Variants in BACH2 observed in about 807,000 individuals in gnomAD.
The protein encoded by BACH2 is transcription regulator protein BACH2.
Under a neutral mutation model 61.8 loss-of-function variants are expected in BACH2, and 5 were observed. The ratio of observed to expected loss-of-function variants is 0.08; its 90% confidence interval spans 0.04 to 0.17. The LOEUF (loss-of-function observed/expected upper bound fraction) is 0.17. Among genes scored for constraint, BACH2 ranks in the 10% least tolerant of loss-of-function variants. The pLI is 1.00. For missense variants in BACH2, 824 were observed against 1,091.1 expected (o/e 0.76, Z 3.45); for synonymous variants, 446 against 440.1 (o/e 1.01, Z -0.17).
At chr6:90,193,318 T>C (rs1033200206) in intron 4 of BACH2, among the ~76,000 whole-genome samples, 1 of 151,884 alleles carries the variant, frequency 6.6e-6, no homozygotes, top group Non-Finnish European at 1.5e-5. Context: ...GTGCCCCTAA[T>C]CCAATATGAC....
intron 1 of BACH2, among the ~76,000 whole-genome samples, chr6:90,291,768 T>C (rs1469544445): frequency 1.3e-5 from 2 of 152,196 alleles, no homozygotes; most frequent in African/African-American, 2.4e-5. Context: ...CATATATTGC[T>C]ATTAACAATA....
intron 5 of BACH2, among the ~76,000 whole-genome samples, chr6:90,085,546 C>T (rs1033958539): frequency 3.9e-5 from 6 of 152,186 alleles, no homozygotes; most frequent in Non-Finnish European, 7.3e-5. Context: ...TTAGTAGAGA[C>T]CACAGTTGTT....
intron 7 of BACH2, among the ~76,000 whole-genome samples, chr6:89,945,921 T>C (rs1054211708): frequency 3.4e-5 from 5 of 149,224 alleles, no homozygotes; most frequent in East Asian, 2.0e-4. Context: ...TTTTCACTTA[T>C]GTGACTTGTT....
At chr6:90,239,631 T>C (rs1770371676) in intron 3 of BACH2, among the ~76,000 whole-genome samples, 2 of 152,176 alleles carry the variant, frequency 1.3e-5, no homozygotes, top group East Asian at 1.9e-4. Context: ...TATATAGCCA[T>C]ACATGACTAA....
rs76182853 is a variant in BACH2 at position 90,072,506 on chromosome 6, T to G, written c.-13+16455A>C. ...TCACAAACTCTTATCAAGGCAGTTT[T>G]CTCAGGTTGGTTAGCAGACAGGCTC... On this transcript the variant is annotated intron_variant, in intron 5 of 8. Coordinates refer to ENST00000257749, the MANE Select transcript of BACH2 (RefSeq NM_021813.4). Among the ~76,000 whole-genome samples the G allele has an allele frequency of 9.7e-3, 1,481 of 152,334 alleles. 56 individuals carry two copies. In the East Asian group the frequency reaches 0.14, roughly 14 times the overall value.
At chr6:90,275,560 C>A (rs187256713) in intron 1 of BACH2, among the ~76,000 whole-genome samples, 1 of 151,972 alleles carries the variant, frequency 6.6e-6, no homozygotes, top group Admixed American at 6.5e-5. Flanking sequence ...GGGTAACTTG[C>A]GTCATGGGGG....
At chr6:90,262,579 C>G (rs555245357) in intron 2 of BACH2, among the ~76,000 whole-genome samples, 1 of 152,284 alleles carries the variant, frequency 6.6e-6, no homozygotes, top group African/African-American at 2.4e-5. Context: ...CAGACCCAAT[C>G]TCCGAAGTTT....
In BACH2 at chr6:90,030,657, C is replaced by G. The variant is rs369941768; in HGVS notation, c.-12-21801G>C. 5.6e-3 allele frequency among the ~76,000 whole-genome samples: 856 copies of G among 152,074 alleles called. 45 individuals carry two copies. In the East Asian group the frequency reaches 0.13, roughly 23 times the overall value. Reference sequence around the variant, plus strand: ...CACCCTCCCAAGACTAAACCAGGAACAAGTTGAATCTCTGAATAGACCAAT... The same window carrying G: ...CACCCTCCCAAGACTAAACCAGGAAGAAGTTGAATCTCTGAATAGACCAAT... On this transcript the variant is annotated intron_variant, in intron 5 of 8. Transcript: ENST00000257749.
intron 4 of BACH2, among the ~76,000 whole-genome samples, chr6:90,123,492 C>A (rs903617796): frequency 1.3e-5 from 2 of 149,734 alleles, no homozygotes; most frequent in Non-Finnish European, 3.0e-5. Flanking sequence ...CGGTGGGGGC[C>A]GGGCGCGGTG....
At chr6:90,274,897 G>C (rs951404637) in intron 1 of BACH2, among the ~76,000 whole-genome samples, 19 of 152,328 alleles carry the variant, frequency 1.2e-4, no homozygotes, top group African/African-American at 4.3e-4. Context: ...TCCTCTGGTA[G>C]AGGGTGAGGA....
intron 4 of BACH2, among the ~76,000 whole-genome samples, chr6:90,115,035 T>C (rs1272301537): frequency 6.6e-6 from 1 of 152,056 alleles, no homozygotes; most frequent in Admixed American, 6.6e-5. Flanking sequence ...CACAAACAAA[T>C]GGAAAAACAT....
chr6:90,240,719 GCTTT>G (rs1308335680), intron 3 of BACH2, among the ~76,000 whole-genome samples: 1 of 152,082 alleles, frequency 6.6e-6, no homozygotes, highest in Non-Finnish European at 1.5e-5. Flanking sequence ...CTGCTTTGTG[GCTTT>G]CTTAGAGTGA....
chr6:90,107,131 T>C (rs1331162178), intron 4 of BACH2, among the ~76,000 whole-genome samples: 1 of 152,170 alleles, frequency 6.6e-6, no homozygotes, highest in Admixed American at 6.5e-5. Flanking sequence ...CCCAGCACTT[T>C]GGGAGGCCGA....
intron 5 of BACH2, among the ~76,000 whole-genome samples, chr6:90,014,532 G>A (rs1432023647): frequency 1.5e-5 from 2 of 133,902 alleles, no homozygotes; most frequent in African/African-American, 2.9e-5. Flanking sequence ...GGAGTGCAGT[G>A]GTGCAATCTT....
At chr6:90,142,186 G>C (rs756015590) in intron 4 of BACH2, among the ~76,000 whole-genome samples, 1 of 152,184 alleles carries the variant, frequency 6.6e-6, no homozygotes, top group Non-Finnish European at 1.5e-5. Context: ...GTCTGAGATA[G>C]AATCTTTGAC....
chr6:89,986,309 G>A (rs1173673376), intron 6 of BACH2, among the ~76,000 whole-genome samples: 1 of 151,444 alleles, frequency 6.6e-6, no homozygotes, highest in African/African-American at 2.4e-5. Context: ...CGCTGGCCCT[G>A]GATCGCTGGC....
At position 89,926,818 on chromosome 6, in the gene BACH2, A is replaced by C. The variant is rs575490392; in HGVS notation, c.*5590T>G. The C allele has an allele frequency of 9.8e-5, 15 of 152,916 alleles. No homozygotes were observed. The highest frequency in any genetic ancestry group is 3.4e-4 in the African/African-American group (14 of 41,596). The allele number at this position is 152,916 out of a possible 1,614,324, so 9.5% of individuals were successfully genotyped here. The stretch of plus-strand genomic sequence containing the variant: ...GAAAAAAATAAGGACAAGCCTAAGA[A>C]CTAGTACAATAAAATGATGCATTGA... On this transcript the variant is annotated 3_prime_UTR_variant, in exon 9 of 9. Transcript: ENST00000257749.
rs915846196 is a variant in BACH2, at chr6:90,023,524, G to A, written c.-12-14668C>T. Among the ~76,000 whole-genome samples, 4 of 152,268 alleles carry A rather than the reference G, an allele frequency of 2.6e-5. 1 individual carries two copies. Reference sequence around the variant, plus strand: ...CACCATGCTTCCTGTACAGCCTGCAGAACCATGAACCAATTAAACCTCTTT... The same window carrying A: ...CACCATGCTTCCTGTACAGCCTGCAAAACCATGAACCAATTAAACCTCTTT... On this transcript the variant is annotated intron_variant, in intron 5 of 8. Coordinates refer to ENST00000257749, the MANE Select transcript of BACH2 (RefSeq NM_021813.4).
intron 3 of BACH2, among the ~76,000 whole-genome samples, chr6:90,234,073 C>A (rs1770185254): frequency 1.3e-5 from 2 of 152,194 alleles, no homozygotes; most frequent in Non-Finnish European, 2.9e-5. Flanking sequence ...CTTATCACCA[C>A]CCACATCAGC....
Sources: gnomAD v4.1 joint callset for allele counts (sites outside exome capture counted in the v4.1 genomes callset) on GRCh38, gnomAD v4.1.1 for gene constraint, MANE v1.5 for transcripts, NCBI Gene and HGNC (gene_info 2026-07-23, HGNC 2026-07-21) for gene names.